The following SERINC2 variants were observed in gnomAD, a reference collection of about 807,000 sequenced individuals.
The protein encoded by SERINC2 is serine incorporator 2.
A neutral mutation model predicts 54.2 loss-of-function variants in SERINC2; 56 were observed. The ratio of observed to expected loss-of-function variants is 1.03; its 90% confidence interval spans 0.83 to 1.29. The LOEUF is 1.29. SERINC2 is among the 50% of genes most tolerant of loss of function. The probability of loss-of-function intolerance (pLI) is 0.00; values close to 1 mark genes in which losing one functional copy is unlikely to be tolerated. For synonymous variants in SERINC2, 272 were observed against 253.1 expected, an observed-to-expected ratio of 1.07 and a Z score of -0.71; for missense variants, 614 against 607.4, an observed-to-expected ratio of 1.01 and a Z score of -0.12.
At position 31,413,776 on chromosome 1, in the gene SERINC2, C is replaced by T. The variant is rs1474960401; in HGVS notation, c.39+472C>T. 7.3e-7 allele frequency: 1 copy of T among 1,361,390 alleles called. No individual in the cohort carries two copies. Among genetic ancestry groups the T allele is most frequent in the Non-Finnish European group, 9.4e-7 (1 of 1,063,324 alleles). 84.3% of individuals were successfully genotyped at this position (1,361,390 alleles called of 1,614,324 possible). On this transcript the variant is annotated intron_variant, in intron 1 of 9. Transcript: ENST00000373709. The surrounding 1 kb of genome is among the most constrained non-coding windows in gnomAD (Gnocchi z 5.0). ...CTACCCCTCTGGCCGCCTGCCAGTC[C>T]GCCTGTTCCTGTCGCTCGGGCTCCG...
At chr1:31,428,621 A>C (rs1428366084) in intron 6 of SERINC2, among the ~76,000 whole-genome samples, 1 of 152,146 alleles carries the variant, frequency 6.6e-6, no homozygotes, top group Non-Finnish European at 1.5e-5. Context: ...GGGAGGGCAC[A>C]GCGACGGCAA....
At chr1:31,430,972 T>C (rs1419708056) in intron 8 of SERINC2, among the ~76,000 whole-genome samples, 4 of 152,220 alleles carry the variant, frequency 2.6e-5, no homozygotes, top group Non-Finnish European at 5.9e-5. Flanking sequence ...TTCTTCTGTT[T>C]TGGCCTTTTT....
chr1:31,433,276 T>C, intron 9 of SERINC2, 91 bp downstream of exon 9: 1 of 1,124,338 alleles, frequency 8.9e-7, no homozygotes, highest in Non-Finnish European at 1.3e-6. Flanking sequence ...GTTTTCCTGA[T>C]GTCTGCTTAA....
At position 31,429,411 on chromosome 1, in the gene SERINC2, C is replaced by G; in HGVS notation, c.886C>G (p.Pro296Ala). 2 of 1,610,806 alleles carry G rather than the reference C, an allele frequency of 1.2e-6. No homozygotes were observed. The highest frequency in any genetic ancestry group is 1.7e-6 in the Non-Finnish European group (2 of 1,179,194). Reference protein sequence around the residue: ...LSSIPEQKCNPHLPTQLGNET... With the variant: ...LSSIPEQKCNAHLPTQLGNET... ...CCCATCTCCAGAACAGAAATGCAACCCCCATTTGCCAACCCAGCTGGGCAA... is the reference window on the plus strand; with the variant it reads ...CCCATCTCCAGAACAGAAATGCAACGCCCATTTGCCAACCCAGCTGGGCAA... The change falls in exon 8 of 10, where the codon CCC becomes GCC. Residue 296 changes from proline to alanine, a missense_variant. By Grantham distance (27) the Pro-to-Ala change is conservative (BLOSUM62 -1). Transcript: ENST00000373709.
chr1:31,431,863 G>A (rs868966209), intron 8 of SERINC2, among the ~76,000 whole-genome samples: 125 of 148,786 alleles, frequency 8.4e-4, no homozygotes, highest in East Asian at 2.4e-3. Flanking sequence ...GGTGGATAGG[G>A]TGGATAGGGT....
At chr1:31,432,102 C>CAGGGTGGTTAGGGTGGTTAGGGTGGAT in intron 8 of SERINC2, among the ~76,000 whole-genome samples, 1 of 13,122 alleles carries the variant, frequency 7.6e-5, no homozygotes, top group Non-Finnish European at 1.4e-4. Flanking sequence ...ACAGGGTGGA[C>CAGGGTGGTTAGGGTGGTTAGGGTGGAT]AGGGTGGATA....
chr1:31,433,115 T>C lies in SERINC2; in HGVS notation c.1162T>C (p.Tyr388His). The C allele has an allele frequency of 1.2e-6, 2 of 1,613,750 alleles. No homozygotes were observed. Among genetic ancestry groups the C allele is most frequent in the Non-Finnish European group, 1.7e-6 (2 of 1,180,018 alleles). The change falls in exon 9 of 10, where the codon TAC becomes CAC. Residue 388 changes from tyrosine (Y) to histidine (H), a missense_variant. By Grantham distance (83) the Tyr-to-His change is moderately conservative (BLOSUM62 2). Coordinates refer to ENST00000373709, the MANE Select transcript of SERINC2 (RefSeq NM_178865.5). Reference sequence around the variant, plus strand: ...CGAGCAGGACGGCGTCACCTACAGCTACTCCTTCTTCCACTTCTGCCTGGT... The same window carrying C: ...CGAGCAGGACGGCGTCACCTACAGCCACTCCTTCTTCCACTTCTGCCTGGT... ...DNEQDGVTYS[Y>H]SFFHFCLVLA... is the part of the protein sequence containing the mutation.
In SERINC2 at chr1:31,413,846, C is replaced by T. The variant is rs1640706984; in HGVS notation, c.39+542C>T. 5 of 1,412,440 alleles carry T rather than the reference C, an allele frequency of 3.5e-6. No homozygotes were observed. The highest frequency in any genetic ancestry group is 4.6e-6 in the Non-Finnish European group (5 of 1,089,454). 87.5% of individuals were successfully genotyped at this position (1,412,440 alleles called of 1,614,324 possible). On this transcript the variant is annotated intron_variant, in intron 1 of 9. Transcript: ENST00000373709. This position sits in a 1 kb window ranked among gnomAD's most constrained non-coding sequence, Gnocchi z 5.0. The stretch of plus-strand genomic sequence containing the variant: ...CTGGTTCCTGTCTGTGTCCGTCGTT[C>T]GTCCGACTGTCTTTGTCCGTCTGCT...
In SERINC2 at chr1:31,425,515, G is replaced by A. The variant is rs547400922; in HGVS notation, c.472+106G>A. On this transcript the variant is annotated intron_variant, in intron 4 of 9. Transcript: ENST00000373709. ...TCTTTGCTGGGGCACACAGACCCCT[G>A]GCTGCTGGCTAGGTCCTCGCTCCCC... The A allele has an allele frequency of 1.4e-5, 14 of 968,420 alleles. No individual in the cohort carries two copies. The African/African-American group carries it at 2.2e-4, about 15-fold the overall frequency. The allele number at this position is 968,420 out of a possible 1,614,324, so 60.0% of individuals were successfully genotyped here. A position where few individuals can be genotyped will look rare whatever the true frequency, so the allele number is the denominator to read the frequency against.
intron 8 of SERINC2, among the ~76,000 whole-genome samples, chr1:31,430,059 C>T (rs1557498206): frequency 6.6e-6 from 1 of 152,084 alleles, no homozygotes; most frequent in Non-Finnish European, 1.5e-5. Context: ...ACTCAAATGC[C>T]TGCATTTGAG....
In SERINC2 at chr1:31,433,176, A is replaced by G. The variant is rs782741677; in HGVS notation, c.1223A>G (p.Asn408Ser). Residue 408 changes from asparagine to serine, a missense_variant, in exon 9 of 10, where the codon AAC (asparagine) becomes AGC (serine). Coordinates refer to ENST00000373709, the MANE Select transcript of SERINC2 (RefSeq NM_178865.5). ...ASLHVMMTLTNWYKPGETRKM... is the reference protein window; with the variant it reads ...ASLHVMMTLTSWYKPGETRKM... ...CTGCACGTCATGATGACGCTCACCAACTGGTACAAGTGCGTAGCTGGTGGG... is the reference window on the plus strand; with the variant it reads ...CTGCACGTCATGATGACGCTCACCAGCTGGTACAAGTGCGTAGCTGGTGGG... 30 of 1,613,346 alleles carry G rather than the reference A, an allele frequency of 1.9e-5. No homozygotes were observed. The highest frequency in any genetic ancestry group is 2.5e-5 in the Non-Finnish European group (29 of 1,179,852).
rs549911281 is a variant in SERINC2 at position 31,413,695 on chromosome 1, C to T, written c.39+391C>T. 3 of 1,167,630 alleles carry T rather than the reference C, an allele frequency of 2.6e-6. No individual in the cohort carries two copies. Among genetic ancestry groups the T allele is most frequent in the African/African-American group, 3.2e-5 (2 of 62,018 alleles). 72.3% of individuals were successfully genotyped at this position (1,167,630 alleles called of 1,614,324 possible). ...GTGGCCTCTGTCCCCGTCCCGGACGCCCTGGTTCTCTGTGTAGGTCGCCCG... is the reference window on the plus strand; with the variant it reads ...GTGGCCTCTGTCCCCGTCCCGGACGTCCTGGTTCTCTGTGTAGGTCGCCCG... On this transcript the variant is annotated intron_variant, in intron 1 of 9. Coordinates refer to ENST00000373709, the MANE Select transcript of SERINC2 (RefSeq NM_178865.5). This position sits in a 1 kb window ranked among gnomAD's most constrained non-coding sequence, Gnocchi z 5.0.
chr1:31,417,428 C>T (rs1640807007), intron 1 of SERINC2, among the ~76,000 whole-genome samples: 1 of 152,176 alleles, frequency 6.6e-6, no homozygotes, highest in Non-Finnish European at 1.5e-5. Context: ...CCTGAAAATA[C>T]AGTGTCCCTG....
rs1641025237 is a variant in SERINC2, at chr1:31,425,776, T to C, written c.473T>C (p.Ile158Thr). ...FYIPDGSFTN[I>T]WFYFGVVGSF... ...GCCTCACTCCCCTCTCCCCACCCAG[T>C]CTGGTTCTACTTCGGCGTCGTGGGC... Residue 158 changes from isoleucine to threonine, a missense_variant and splice_region_variant, in exon 5 of 10, where the codon ATC becomes ACC. By Grantham distance (89) the Ile-to-Thr change is moderately conservative. Coordinates refer to ENST00000373709, the MANE Select transcript of SERINC2 (RefSeq NM_178865.5). The C allele has an allele frequency of 1.2e-6, 2 of 1,612,590 alleles. No homozygotes were observed. Among genetic ancestry groups the C allele is most frequent in the African/African-American group, 1.3e-5 (1 of 74,888 alleles).
chr1:31,416,095 CTG>C (rs1640774693), intron 1 of SERINC2, among the ~76,000 whole-genome samples: 1 of 152,210 alleles, frequency 6.6e-6, no homozygotes, highest in Non-Finnish European at 1.5e-5. Context: ...CTTCGCATCT[CTG>C]TGACTGTGGG....
In SERINC2 at chr1:31,432,967, T is replaced by A. The variant is rs782394510; in HGVS notation, c.1014T>A (p.Ser338Arg). Residue 338 changes from serine (S) to arginine (R), a missense_variant and splice_region_variant, in exon 9 of 10, where the codon AGT becomes AGA. Coordinates refer to ENST00000373709, the MANE Select transcript of SERINC2 (RefSeq NM_178865.5). ...GCCCACCTTCCTCCCTCCCCTGCAG[T>A]CTGCGCTCCTCAGACCACCGGCAGG... is the stretch of plus-strand genomic sequence containing the variant. Reference protein sequence around the residue: ...IIFLLCTLFISLRSSDHRQVN... With the variant: ...IIFLLCTLFIRLRSSDHRQVN... The A allele has an allele frequency of 2.7e-5, 43 of 1,607,800 alleles. 1 individual carries two copies.
At chr1:31,428,612 G>T (rs2297885) in intron 6 of SERINC2, among the ~76,000 whole-genome samples, 2 of 151,924 alleles carry the variant, frequency 1.3e-5, no homozygotes, top group Non-Finnish European at 2.9e-5. Context: ...CTTGTCAGAG[G>T]GAGGGCACAG....
At chr1:31,433,695 T>C (rs905594725) in intron 9 of SERINC2, among the ~76,000 whole-genome samples, 2 of 151,940 alleles carry the variant, frequency 1.3e-5, no homozygotes, top group African/African-American at 4.8e-5. Flanking sequence ...AGTAATAAGG[T>C]CAGGGGCCAC....
rs1641058537 is a variant in SERINC2, at chr1:31,426,837, A to ACTGGCCTGAAGCCTGG, written c.780+15_780+16insTGGCCTGAAGCCTGGC. The ACTGGCCTGAAGCCTGG allele has an allele frequency of 6.2e-7, 1 of 1,607,428 alleles. No homozygotes were observed. Among genetic ancestry groups the ACTGGCCTGAAGCCTGG allele is most frequent in the Non-Finnish European group, 8.5e-7 (1 of 1,175,456 alleles). ...CCCAAGGTCCAGGTGAGCCTGCCTG[A>ACTGGCCTGAAGCCTGG]CCCCCCCTGGCCTGAAGCCCGGCCC... On this transcript the variant is annotated intron_variant, in intron 6 of 9. Coordinates refer to ENST00000373709, the MANE Select transcript of SERINC2 (RefSeq NM_178865.5).
Sources: allele counts gnomAD v4.1 joint callset (sites outside exome capture counted in the v4.1 genomes callset), GRCh38; gene constraint gnomAD v4.1.1; non-coding constraint Gnocchi (gnomAD v3.1); transcripts MANE v1.5; gene names NCBI Gene and HGNC (gene_info 2026-07-23, HGNC 2026-07-21).